LYST: variants seen among roughly 807,000 people sequenced by gnomAD.
LYST encodes lysosomal-trafficking regulator.
LYST carries 192 observed loss-of-function variants against 413.6 expected under a neutral mutation model. The observed-to-expected ratio is 0.46, with a 90% confidence interval of 0.41 to 0.52. The LOEUF is 0.52. Ranked by LOEUF, LYST falls within the 20% of genes least tolerant of loss-of-function variation. The pLI is 0.00. For synonymous variants in LYST, 1,525 were observed against 1,567.3 expected, an observed-to-expected ratio of 0.97 and a Z score of 0.64; for missense variants, 3,815 against 4,499.9, an observed-to-expected ratio of 0.85 and a Z score of 4.35.
At chr1:235,747,331 C>G in intron 28 of LYST, 1 of 402,440 alleles carries the variant, frequency 2.5e-6, no homozygotes, top group Non-Finnish European at 5.1e-6. Context: ...TGGAATTGAA[C>G]CTTTGTTTTA....
chr1:235,757,079 C>T (rs974414687), intron 24 of LYST, among the ~76,000 whole-genome samples: 2 of 151,694 alleles, frequency 1.3e-5, no homozygotes, highest in African/African-American at 4.8e-5. Context: ...ACCATGTAAC[C>T]AAAAACCCCT....
At chr1:235,788,965 G>T in intron 12 of LYST, 120 bp from the exon 13 acceptor site, 1 of 873,650 alleles carries the variant, frequency 1.1e-6, no homozygotes, top group Non-Finnish European at 1.9e-6. Flanking sequence ...TACCCAGAAT[G>T]TCTGAGCCTG....
chr1:235,663,766 G>C (rs189353857), intron 52 of LYST, among the ~76,000 whole-genome samples: 113 of 152,246 alleles, frequency 7.4e-4, no homozygotes, highest in Non-Finnish European at 1.1e-3. Flanking sequence ...CTTTCCACTA[G>C]ACTCTGAGTC....
intron 40 of LYST, among the ~76,000 whole-genome samples, chr1:235,717,096 G>A (rs912286559): frequency 3.3e-5 from 5 of 152,126 alleles, no homozygotes; most frequent in African/African-American, 9.7e-5. Flanking sequence ...GATGTTGCTC[G>A]TGGGAGCAGA....
At chr1:235,781,381 T>C (rs897496276) in intron 15 of LYST, among the ~76,000 whole-genome samples, 1 of 152,166 alleles carries the variant, frequency 6.6e-6, no homozygotes, top group African/African-American at 2.4e-5. Context: ...GAGCTATATC[T>C]TGGTAAACTC....
At position 235,664,617 on chromosome 1, in the gene LYST, G is replaced by A. The variant is rs757560834; in HGVS notation, c.11043C>T (p.Gly3681=). ...GDIATVCDSA[G]GGSDLRLWTV... The stretch of plus-strand genomic sequence containing the variant: ...TCCAGAGTCTGAGGTCACTGCCTCC[G>A]CCAGCTAAAACACCCAAATCATCCG... The change falls in exon 51 of 53, where the codon GGC becomes GGT. Residue 3681 remains glycine (G), a synonymous_variant. Transcript: ENST00000389793. This position sits in a 1 kb window ranked among gnomAD's most constrained non-coding sequence, Gnocchi z 4.5. 10 of 1,614,026 alleles carry A rather than the reference G, an allele frequency of 6.2e-6. No homozygotes were observed. The highest frequency in any genetic ancestry group is 5.5e-5 in the South Asian group (5 of 91,076).
intron 50 of LYST, among the ~76,000 whole-genome samples, chr1:235,666,233 C>T (rs980871193): frequency 1.4e-3 from 70 of 48,810 alleles, no homozygotes; most frequent in East Asian, 4.9e-3. Context: ...CATACACACA[C>T]ACACACACAC....
intron 40 of LYST, among the ~76,000 whole-genome samples, chr1:235,719,129 C>T (rs1663106228): frequency 6.6e-6 from 1 of 152,154 alleles, no homozygotes; most frequent in South Asian, 2.1e-4. Flanking sequence ...AGCAATTCTC[C>T]TGCCTCAGCC....
intron 3 of LYST, among the ~76,000 whole-genome samples, chr1:235,818,677 C>T (rs746069548): frequency 5.3e-5 from 8 of 151,608 alleles, no homozygotes; most frequent in Admixed American, 2.0e-4. Context: ...CATATCTTTC[C>T]GGTAGAGTCC....
In LYST at chr1:235,751,322, A is replaced by T. The variant is rs1460164142; in HGVS notation, c.7668T>A (p.Ala2556=). The part of the protein sequence containing the change: ...VALQLRVLQA[A]MEFIRTTANH... ...TTGCGGTGGTCCTTATAAATTCCAT[A>T]GCAGCCTGGAGAACTCTAAGCTGTA... Residue 2556 remains alanine, a synonymous_variant, in exon 28 of 53, where the codon GCT becomes GCA. Coordinates refer to ENST00000389793, the MANE Select transcript of LYST (RefSeq NM_000081.4). 1 of 1,613,594 alleles carries T rather than the reference A, an allele frequency of 6.2e-7. No homozygotes were observed. The highest frequency in any genetic ancestry group is 1.3e-5 in the African/African-American group (1 of 74,900).
intron 20 of LYST, among the ~76,000 whole-genome samples, chr1:235,768,879 T>C (rs1346168330): frequency 6.6e-6 from 1 of 152,248 alleles, no homozygotes; most frequent in East Asian, 1.9e-4. Context: ...ACATATTCTA[T>C]TCCCTACAAC....
intron 44 of LYST, among the ~76,000 whole-genome samples, chr1:235,704,788 A>G (rs748634023): frequency 4.6e-5 from 7 of 152,124 alleles, no homozygotes; most frequent in Non-Finnish European, 1.0e-4. Context: ...CTTGTTGTGA[A>G]TACTTTTTAT....
Position 235,817,704 on chromosome 1 carries a change from C to T in LYST, c.193-4643G>A, listed in dbSNP as rs1408264245. On this transcript the variant is annotated intron_variant, in intron 3 of 52. Coordinates refer to ENST00000389793, the MANE Select transcript of LYST (RefSeq NM_000081.4). Reference sequence around the variant, plus strand: ...ACAAAGAAGGGAACAGCCACTGGGGCCTCTTTCAGGATGGAGGGTGGGAGA... The same window carrying T: ...ACAAAGAAGGGAACAGCCACTGGGGTCTCTTTCAGGATGGAGGGTGGGAGA... Among the ~76,000 whole-genome samples the T allele has an allele frequency of 5.9e-5, 9 of 152,174 alleles. No homozygotes were observed. The South Asian group carries it at 1.0e-3, about 18-fold the overall frequency.
intron 48 of LYST, among the ~76,000 whole-genome samples, chr1:235,682,311 C>A (rs1428717051): frequency 6.6e-6 from 1 of 152,070 alleles, no homozygotes; most frequent in Non-Finnish European, 1.5e-5. Context: ...GGCAAAAGGG[C>A]AAGACCCTGT....
chr1:235,677,674 A>G (rs1255208077), intron 48 of LYST, 55 bp from the exon 49 acceptor site: 23 of 1,363,778 alleles, frequency 1.7e-5, no homozygotes, highest in Non-Finnish European at 2.2e-5. Flanking sequence ...GTACTCTAGT[A>G]TAGTATCTCA....
Position 235,759,020 on chromosome 1 carries a change from T to C in LYST, c.6833A>G (p.Tyr2278Cys), listed in dbSNP as rs189657766. The C allele has an allele frequency of 1.1e-4, 173 of 1,614,054 alleles. No individual in the cohort carries two copies. The highest frequency in any genetic ancestry group is 5.3e-4 in the Admixed American group (32 of 60,000). Residue 2278 changes from tyrosine to cysteine, a missense_variant, in exon 23 of 53, where the codon TAT becomes TGT. Around this residue, in one of 4 missense-constraint regions of LYST, gnomAD observed 771 missense variants for 837.1 expected, o/e 0.92. Coordinates refer to ENST00000389793, the MANE Select transcript of LYST (RefSeq NM_000081.4). ...GTAATTTGGCTCATAACCAAGAGAATAGGCAAAGTTTTCCCAATCATCAGT... is the reference window on the plus strand; with the variant it reads ...GTAATTTGGCTCATAACCAAGAGAACAGGCAAAGTTTTCCCAATCATCAGT... ...RNTDDWENFAYSLGYEPNYNR... is the reference protein window; with the variant it reads ...RNTDDWENFACSLGYEPNYNR...
At position 235,738,551 on chromosome 1, in the gene LYST, C is replaced by T. The variant is rs181519807; in HGVS notation, c.8358+2871G>A. On this transcript the variant is annotated intron_variant, in intron 31 of 52. Transcript: ENST00000389793. The stretch of plus-strand genomic sequence containing the variant: ...AAAGGCTGGGAGTTCACACATTAAG[C>T]TGTCATGGGTGAGTCCTTGGGGAAC... 211 of 1,611,304 alleles carry T rather than the reference C, an allele frequency of 1.3e-4. 2 individuals carry two copies. The East Asian group carries it at 4.6e-3, about 35-fold the overall frequency.
intron 23 of LYST, among the ~76,000 whole-genome samples, chr1:235,758,070 C>T (rs1667213853): frequency 6.6e-6 from 1 of 152,152 alleles, no homozygotes; most frequent in South Asian, 2.1e-4. Flanking sequence ...CTAACAAATG[C>T]TGCTGGGTTT....
intron 45 of LYST, among the ~76,000 whole-genome samples, chr1:235,700,577 T>C (rs1661468015): frequency 6.6e-6 from 1 of 152,200 alleles, no homozygotes; most frequent in Non-Finnish European, 1.5e-5. Flanking sequence ...ATGAGTACTG[T>C]TGCTTGGTTT....
Sources: gnomAD v4.1 joint callset for allele counts (sites outside exome capture counted in the v4.1 genomes callset) on GRCh38, gnomAD v4.1.1 for gene constraint, gnomAD v4.1.1 regional missense constraint, Gnocchi (gnomAD v3.1) non-coding constraint, MANE v1.5 for transcripts, NCBI Gene and HGNC (gene_info 2026-07-23, HGNC 2026-07-21) for gene names.